STEAP1B: variants seen among roughly 807,000 people sequenced by gnomAD.
STEAP1B encodes the protein STEAP family member 1B, also known as STEAP family protein MGC87042.
Under a neutral mutation model 27.9 loss-of-function variants are expected in STEAP1B, and 13 were observed. The observed-to-expected ratio is 0.47, with a 90% confidence interval of 0.30 to 0.74. STEAP1B has a LOEUF of 0.74. STEAP1B is among the 30% of genes least tolerant of loss of function. STEAP1B has a pLI of 0.06. For missense variants in STEAP1B, 250 were observed against 298.7 expected, an observed-to-expected ratio of 0.84 and a Z score of 1.20; for synonymous variants, 86 against 107.1, an observed-to-expected ratio of 0.80 and a Z score of 1.22.
At chr7:22,457,825 A>G (rs1052017678) in intron 4 of STEAP1B, among the ~76,000 whole-genome samples, 2 of 152,258 alleles carry the variant, frequency 1.3e-5, no homozygotes, top group African/African-American at 4.8e-5. Context: ...TCACCTGCCC[A>G]CATGATGACA....
At chr7:22,470,397 C>T (rs1036816287) in intron 4 of STEAP1B, among the ~76,000 whole-genome samples, 1 of 152,178 alleles carries the variant, frequency 6.6e-6, no homozygotes, top group Non-Finnish European at 1.5e-5. Context: ...TACATTGATA[C>T]ACTTTTATTC....
At chr7:22,446,864 A>G (rs1265035094) in intron 4 of STEAP1B, among the ~76,000 whole-genome samples, 1 of 152,190 alleles carries the variant, frequency 6.6e-6, no homozygotes, top group Admixed American at 6.5e-5. Context: ...ATGAGACAGT[A>G]TCTGGGAAAA....
intron 4 of STEAP1B, among the ~76,000 whole-genome samples, chr7:22,434,926 A>G (rs1785235491): frequency 6.6e-6 from 1 of 152,306 alleles, no homozygotes; most frequent in East Asian, 1.9e-4. Context: ...TCATTCTACA[A>G]TGGTGGAAAG....
intron 4 of STEAP1B, among the ~76,000 whole-genome samples, chr7:22,459,912 C>A (rs1583641727): frequency 6.6e-6 from 1 of 152,258 alleles, no homozygotes; most frequent in Non-Finnish European, 1.5e-5. Context: ...GTTTCATTAT[C>A]CAATTTCCCA....
chr7:22,454,861 A>ATT (rs1409782120), intron 4 of STEAP1B, among the ~76,000 whole-genome samples: 2 of 57,852 alleles, frequency 3.5e-5, no homozygotes, highest in African/African-American at 1.5e-4. Context: ...ATATATATAT[A>ATT]TATATTTTTT....
chr7:22,471,518 G>C (rs1431282288), intron 4 of STEAP1B, among the ~76,000 whole-genome samples: 1 of 152,070 alleles, frequency 6.6e-6, no homozygotes, highest in Non-Finnish European at 1.5e-5. Context: ...CCAGATATTT[G>C]ACATCACTGA....
In STEAP1B at chr7:22,473,575, C is replaced by T. The variant is rs146678990; in HGVS notation, c.762+18990G>A. Among the ~76,000 whole-genome samples the T allele has an allele frequency of 1.4e-3, 210 of 152,304 alleles. 1 individual carries two copies. The Middle Eastern group carries it at 0.017, about 12-fold the overall frequency. On this transcript the variant is annotated intron_variant, in intron 4 of 4. Coordinates refer to ENST00000678116, the MANE Select transcript of STEAP1B (RefSeq NM_001382447.1). ...GACTGAGACATTTATTTAGGAGACA[C>T]GTTGAGTTTTTCAAAAACAGCCAGA...
intron 4 of STEAP1B, among the ~76,000 whole-genome samples, chr7:22,473,261 C>A (rs10271156): frequency 0.34 from 52,123 of 151,936 alleles, 9,776 homozygotes; most frequent in African/African-American, 0.5. Flanking sequence ...GAAGGACACC[C>A]TTTCTAGTTG....
At chr7:22,457,430 A>C (rs1429606307) in intron 4 of STEAP1B, among the ~76,000 whole-genome samples, 1 of 152,214 alleles carries the variant, frequency 6.6e-6, no homozygotes, top group Admixed American at 6.5e-5. Flanking sequence ...ACTGTGGTGA[A>C]GCCATTGTAG....
At chr7:22,432,889 C>T (rs1251167503) in intron 4 of STEAP1B, among the ~76,000 whole-genome samples, 2 of 152,184 alleles carry the variant, frequency 1.3e-5, no homozygotes, top group Non-Finnish European at 2.9e-5. Flanking sequence ...ATAGCAGCCT[C>T]GTCTCTTGTT....
At position 22,496,214 on chromosome 7, in the gene STEAP1B, G is replaced by A. The variant is rs150043997; in HGVS notation, c.-31-1328C>T. ...AAAAAAAATTAGAAATAGAAAAAAA[G>A]CTTAAGGAGTAAGTATATAAACAAA... On this transcript the variant is annotated intron_variant, in intron 1 of 4. Transcript: ENST00000678116. Among the ~76,000 whole-genome samples the A allele has an allele frequency of 4.7e-3, 721 of 152,158 alleles. 5 individuals carry two copies. Among genetic ancestry groups the A allele is most frequent in the African/African-American group, 0.017 (686 of 41,492 alleles).
chr7:22,472,245 A>C (rs1785897987), intron 4 of STEAP1B, among the ~76,000 whole-genome samples: 1 of 152,198 alleles, frequency 6.6e-6, no homozygotes, highest in African/African-American at 2.4e-5. Context: ...CAAATGTGGT[A>C]AGTTGAAACC....
At chr7:22,434,436 A>C (rs916420070) in intron 4 of STEAP1B, among the ~76,000 whole-genome samples, 7 of 152,102 alleles carry the variant, frequency 4.6e-5, no homozygotes, top group Admixed American at 3.9e-4. Flanking sequence ...GATTTCTCAT[A>C]TTTTCATTTA....
At chr7:22,454,772 G>T (rs1466477751) in intron 4 of STEAP1B, among the ~76,000 whole-genome samples, 1 of 131,314 alleles carries the variant, frequency 7.6e-6, no homozygotes, top group African/African-American at 2.8e-5. Context: ...CTCCTGCAAT[G>T]TCTCATCAGC....
intron 3 of STEAP1B, among the ~76,000 whole-genome samples, chr7:22,492,997 C>T (rs1474079179): frequency 1.3e-5 from 2 of 151,964 alleles, no homozygotes; most frequent in African/African-American, 4.8e-5. Flanking sequence ...AATGTGCATG[C>T]ATATGTGGTA....
At chr7:22,494,035 A>G (rs1445206359) in intron 2 of STEAP1B, among the ~76,000 whole-genome samples, 199 bp from the exon 3 acceptor site, 2 of 137,610 alleles carry the variant, frequency 1.5e-5, no homozygotes, top group Non-Finnish European at 3.1e-5. Context: ...AAAGAAATAC[A>G]TGCTTCAGAC....
At chr7:22,492,427 C>G (rs2128417672) in intron 4 of STEAP1B, 138 bp downstream of exon 4, 1 of 1,251,348 alleles carries the variant, frequency 8.0e-7, no homozygotes, top group Non-Finnish European at 1.0e-6. Flanking sequence ...CAGGAGAGCA[C>G]ATTATTAACT....
intron 4 of STEAP1B, among the ~76,000 whole-genome samples, chr7:22,470,745 G>A (rs1351404318): frequency 6.6e-6 from 1 of 152,148 alleles, no homozygotes; most frequent in Non-Finnish European, 1.5e-5. Flanking sequence ...ATTGTAGTGA[G>A]GTTAATTTCT....
chr7:22,479,052 A>T (rs1786021754), intron 4 of STEAP1B, among the ~76,000 whole-genome samples: 1 of 152,192 alleles, frequency 6.6e-6, no homozygotes, highest in South Asian at 2.1e-4. Context: ...TGCCTGCCAA[A>T]GCACCCGAGA....
Sources: allele counts gnomAD v4.1 joint callset (sites outside exome capture counted in the v4.1 genomes callset), GRCh38; gene constraint gnomAD v4.1.1; transcripts MANE v1.5; gene names NCBI Gene and HGNC (gene_info 2026-07-23, HGNC 2026-07-21).